Variants in ATP1A4 observed in about 807,000 individuals in gnomAD.
The protein encoded by ATP1A4 is ATPase Na+/K+ transporting subunit alpha 4.
A neutral mutation model predicts 114.3 loss-of-function variants in ATP1A4; 90 were observed. The ratio of observed to expected loss-of-function variants is 0.79; its 90% CI spans 0.66 to 0.94. ATP1A4 has a LOEUF of 0.94. Among genes scored for constraint, ATP1A4 ranks in the 40% least tolerant of loss-of-function variants. The pLI, the probability that ATP1A4 is intolerant of heterozygous loss-of-function variation, is 0.00. For synonymous variants in ATP1A4, 511 were observed against 494.1 expected, an observed-to-expected ratio of 1.03 and a Z score of -0.45; for missense variants, 1,222 against 1,313.6, an observed-to-expected ratio of 0.93 and a Z score of 1.08.
intron 12 of ATP1A4, among the ~76,000 whole-genome samples, 190 bp from the exon 13 acceptor site, chr1:160,173,391 G>T (rs545690906): frequency 6.6e-6 from 1 of 152,312 alleles, no homozygotes; most frequent in South Asian, 2.1e-4. Context: ...ATGGTCTCAT[G>T]GTCTTGACCC....
intron 15 of ATP1A4, among the ~76,000 whole-genome samples, chr1:160,175,232 G>A (rs1653418655): frequency 6.6e-6 from 1 of 152,184 alleles, no homozygotes; most frequent in South Asian, 2.1e-4. Flanking sequence ...AGAGAACTGT[G>A]AAGAGAATGC....
intron 17 of ATP1A4, chr1:160,177,256 G>C: frequency 2.4e-6 from 1 of 410,930 alleles, no homozygotes; most frequent in Non-Finnish European, 4.3e-6. Context: ...GGCCTCTAAA[G>C]TCCTTTTTAG....
At chr1:160,184,230 C>T (rs1392706841) in intron 20 of ATP1A4, among the ~76,000 whole-genome samples, 4 of 152,008 alleles carry the variant, frequency 2.6e-5, no homozygotes, top group Admixed American at 6.5e-5. Flanking sequence ...GGATTACATG[C>T]GTGAGCCACC....
chr1:160,177,659 C>CT lies in ATP1A4; in HGVS notation c.2731_2732insT (p.Gln911LeufsTer5). The CT allele has an allele frequency of 6.2e-7, 1 of 1,614,112 alleles. No homozygotes were observed. Among genetic ancestry groups the CT allele is most frequent in the Non-Finnish European group, 8.5e-7 (1 of 1,180,008 alleles). On this transcript the variant is annotated frameshift_variant, in exon 18 of 22. Transcript: ENST00000368081. LOFTEE classifies it high-confidence loss of function. ...TGACCTGGAGGACAGCTACGGACAG[C>CT]AGTGGGTGAGTAGAAGGGATAAGGT... is the stretch of plus-strand genomic sequence containing the variant.
At chr1:160,176,963 G>A (rs1461622604) in intron 17 of ATP1A4, among the ~76,000 whole-genome samples, 9 of 152,154 alleles carry the variant, frequency 5.9e-5, no homozygotes, top group Non-Finnish European at 1.5e-5. Context: ...GTAAGTGTAT[G>A]GTCAGGTGTG....
At position 160,152,063 on chromosome 1, in the gene ATP1A4, G is replaced by A. The variant is rs1652474109; in HGVS notation, c.23G>A (p.Gly8Glu). Residue 8 changes from glycine to glutamate, a missense_variant, in exon 1 of 22, where the codon GGG becomes GAG. By Grantham distance (98) the Gly-to-Glu change is moderately conservative. Coordinates refer to ENST00000368081, the MANE Select transcript of ATP1A4 (RefSeq NM_144699.4). The part of the protein sequence containing the change: MGLWGKK[G>E]TVAPHDQSPR... ...GCTATGGGGCTTTGGGGGAAGAAAG[G>A]GACAGTGGCTCCCCATGACCAGAGT... is the stretch of plus-strand genomic sequence containing the variant. 6.2e-7 allele frequency: 1 copy of A among 1,613,656 alleles called. No individual in the cohort carries two copies. The highest frequency in any genetic ancestry group is 1.1e-5 in the South Asian group (1 of 91,032).
At chr1:160,171,527 G>A (rs1653259659) in intron 11 of ATP1A4, 58 bp from the exon 12 acceptor site, 3 of 1,599,400 alleles carry the variant, frequency 1.9e-6, no homozygotes, top group Non-Finnish European at 1.7e-6. Context: ...GTTGGGGTAA[G>A]CAGATAGGAA....
intron 2 of ATP1A4, 149 bp from the exon 3 acceptor site, chr1:160,154,896 C>T (rs1652582114): frequency 1.4e-6 from 1 of 713,780 alleles, no homozygotes; most frequent in Admixed American, 2.4e-5. Flanking sequence ...TGAAACCTCA[C>T]CTTATCCAGG....
intron 20 of ATP1A4, among the ~76,000 whole-genome samples, chr1:160,184,745 A>G (rs1382599345): frequency 6.6e-6 from 1 of 152,158 alleles, no homozygotes; most frequent in African/African-American, 2.4e-5. Context: ...TTATATTTCT[A>G]TTGGACAGTG....
intron 12 of ATP1A4, among the ~76,000 whole-genome samples, chr1:160,172,617 T>A (rs1322005393): frequency 6.6e-6 from 1 of 152,198 alleles, no homozygotes; most frequent in Non-Finnish European, 1.5e-5. Flanking sequence ...ATCATATACA[T>A]CTTTACAGCT....
chr1:160,152,329 T>TA (rs35726220), intron 1 of ATP1A4, 142 bp downstream of exon 1: 112,245 of 680,832 alleles, frequency 0.16, 3,442 homozygotes, highest in South Asian at 0.19. Flanking sequence ...AGGAGAGGGT[T>TA]AAAAAAAAAA....
chr1:160,169,253 C>G (rs547699008), intron 10 of ATP1A4, among the ~76,000 whole-genome samples: 9 of 152,334 alleles, frequency 5.9e-5, no homozygotes, highest in African/African-American at 2.2e-4. Context: ...AGAGCCTGGT[C>G]TGTCTCCCTC....
intron 15 of ATP1A4, among the ~76,000 whole-genome samples, 183 bp from the exon 16 acceptor site, chr1:160,175,909 C>T (rs115718502): frequency 1.7e-3 from 256 of 152,274 alleles, no homozygotes; most frequent in African/African-American, 4.4e-3. Context: ...AGTACACAGA[C>T]GGCATGGCTC....
At chr1:160,181,611 G>A (rs578084085) in intron 18 of ATP1A4, 73 bp from the exon 19 acceptor site, 1 of 1,546,092 alleles carries the variant, frequency 6.5e-7, no homozygotes, top group East Asian at 2.3e-5. Flanking sequence ...CCTGGAAGGT[G>A]GGAGAGGAAA....
intron 10 of ATP1A4, among the ~76,000 whole-genome samples, chr1:160,168,350 C>A (rs1191995496): frequency 7.0e-6 from 1 of 143,554 alleles, no homozygotes; most frequent in Non-Finnish European, 1.5e-5. Context: ...GAGAAAATGA[C>A]AATGAGACTC....
intron 20 of ATP1A4, 77 bp from the exon 21 acceptor site, chr1:160,186,199 T>C: frequency 2.1e-6 from 2 of 935,354 alleles, no homozygotes; most frequent in South Asian, 1.3e-5. Context: ...AACGTGCAAT[T>C]CCTGTGCATT....
chr1:160,167,093 G>C lies in ATP1A4; in HGVS notation c.1356+16G>C. ...CATTGCTAAGGTGTCAGGCCCAAGG[G>C]GAAGAGGGTACCTCAGTGTCCAGGG... is the stretch of plus-strand genomic sequence containing the variant. On this transcript the variant is annotated intron_variant, in intron 9 of 21. Transcript: ENST00000368081. 1 of 1,611,778 alleles carries C rather than the reference G, an allele frequency of 6.2e-7. No individual in the cohort carries two copies. Among genetic ancestry groups the C allele is most frequent in the South Asian group, 1.1e-5 (1 of 91,052 alleles).
chr1:160,155,637 G>T (rs1266765734), intron 3 of ATP1A4, among the ~76,000 whole-genome samples: 1 of 152,010 alleles, frequency 6.6e-6, no homozygotes, highest in East Asian at 1.9e-4. Flanking sequence ...GTTCCCTGAG[G>T]TGCACAATGT....
At chr1:160,183,854 T>A (rs2101660159) in intron 20 of ATP1A4, among the ~76,000 whole-genome samples, 1 of 152,316 alleles carries the variant, frequency 6.6e-6, no homozygotes, top group East Asian at 1.9e-4. Flanking sequence ...TTGAAAATAA[T>A]TTTGTATCTG....
Sources: gnomAD v4.1 joint callset for allele counts (sites outside exome capture counted in the v4.1 genomes callset) on GRCh38, gnomAD v4.1.1 for gene constraint, MANE v1.5 for transcripts, NCBI Gene and HGNC (gene_info 2026-07-23, HGNC 2026-07-21) for gene names.